KCTD8: variants seen among roughly 807,000 people sequenced by gnomAD.
KCTD8 encodes the protein potassium channel tetramerization domain containing 8, also known as BTB/POZ domain-containing protein KCTD8.
Under a neutral mutation model 31.5 loss-of-function variants are expected in KCTD8, and 27 were observed. The observed-to-expected ratio is 0.86, with a 90% CI of 0.63 to 1.18. The LOEUF (loss-of-function observed/expected upper bound fraction) is 1.18. Ranked by LOEUF, KCTD8 falls within the 50% of genes most tolerant of loss-of-function variation. KCTD8 has a pLI of 0.00. For synonymous variants in KCTD8, 290 were observed against 280.0 expected, an observed-to-expected ratio of 1.04 and a Z score of -0.36; for missense variants, 658 against 647.7, an observed-to-expected ratio of 1.02 and a Z score of -0.17.
intron 1 of KCTD8, among the ~76,000 whole-genome samples, chr4:44,396,575 A>C (rs867218454): frequency 6.6e-6 from 1 of 152,126 alleles, no homozygotes; most frequent in African/African-American, 2.4e-5. Context: ...TCTCATTAAC[A>C]TAAAAATTCT....
intron 1 of KCTD8, among the ~76,000 whole-genome samples, chr4:44,383,864 A>T (rs1252504812): frequency 1.3e-5 from 2 of 152,072 alleles, no homozygotes; most frequent in Non-Finnish European, 2.9e-5. Flanking sequence ...CAAAGGAAAC[A>T]ACCAACAGAG....
chr4:44,439,003 A>G (rs1310355262), intron 1 of KCTD8, among the ~76,000 whole-genome samples: 1 of 152,150 alleles, frequency 6.6e-6, no homozygotes, highest in East Asian at 1.9e-4. Flanking sequence ...TACAGCCAGA[A>G]TTTTTCAAGG....
chr4:44,225,213 A>G (rs531476417), intron 1 of KCTD8, among the ~76,000 whole-genome samples: 15 of 152,304 alleles, frequency 9.8e-5, no homozygotes, highest in African/African-American at 3.4e-4. Context: ...AAGTTCTAAC[A>G]AAGTCTATGT....
At chr4:44,189,910 C>T (rs1713711715) in intron 1 of KCTD8, among the ~76,000 whole-genome samples, 1 of 152,128 alleles carries the variant, frequency 6.6e-6, no homozygotes, top group Admixed American at 6.5e-5. Flanking sequence ...ATCTCAGAGT[C>T]ATTTTCGCTA....
At chr4:44,218,576 A>C (rs1010882407) in intron 1 of KCTD8, among the ~76,000 whole-genome samples, 2 of 148,356 alleles carry the variant, frequency 1.3e-5, no homozygotes, top group East Asian at 2.0e-4. Context: ...ATATATATCT[A>C]TATATATAAA....
chr4:44,427,459 G>T (rs1437000389), intron 1 of KCTD8, among the ~76,000 whole-genome samples: 3 of 151,280 alleles, frequency 2.0e-5, no homozygotes. Context: ...TAACACAATG[G>T]TCTAAAATAG....
At chr4:44,324,053 A>ACAAAAC (rs200099790) in intron 1 of KCTD8, among the ~76,000 whole-genome samples, 2 of 144,940 alleles carry the variant, frequency 1.4e-5, no homozygotes, top group South Asian at 2.1e-4. Context: ...TTAAAAAAAA[A>ACAAAAC]AAAACAAAAC....
chr4:44,418,484 T>C (rs1308449951), intron 1 of KCTD8, among the ~76,000 whole-genome samples: 1 of 152,208 alleles, frequency 6.6e-6, no homozygotes, highest in African/African-American at 2.4e-5. Context: ...TTGTTTTGTA[T>C]GCCTATACTT....
At position 44,434,052 on chromosome 4, in the gene KCTD8, G is replaced by T. The variant is rs189384747; in HGVS notation, c.961+13511C>A. On this transcript the variant is annotated intron_variant, in intron 1 of 1. Transcript: ENST00000360029. ...CATATTTCCTTTGCCTACATTTCCA[G>T]ATTTTTCTTCCAACACTTCCCCTGA... 2.9e-3 allele frequency among the ~76,000 whole-genome samples: 437 copies of T among 151,880 alleles called. 6 individuals are homozygous for T. Among genetic ancestry groups the T allele is most frequent in the African/African-American group, 9.9e-3 (412 of 41,480 alleles).
intron 1 of KCTD8, among the ~76,000 whole-genome samples, chr4:44,341,693 G>T (rs1718901715): frequency 6.6e-6 from 1 of 152,064 alleles, no homozygotes; most frequent in African/African-American, 2.4e-5. Context: ...TAGTTCTCTT[G>T]CTATTTCCAC....
intron 1 of KCTD8, among the ~76,000 whole-genome samples, chr4:44,393,295 T>C (rs1005869774): frequency 2.6e-5 from 4 of 152,024 alleles, no homozygotes; most frequent in Admixed American, 6.6e-5. Flanking sequence ...TTATTCTGTT[T>C]TCCTAAAGTT....
chr4:44,264,916 G>T (rs1716296110), intron 1 of KCTD8, among the ~76,000 whole-genome samples: 1 of 152,224 alleles, frequency 6.6e-6, no homozygotes, highest in Non-Finnish European at 1.5e-5. Context: ...GCCCACCACA[G>T]CTCAAGGAGG....
intron 1 of KCTD8, among the ~76,000 whole-genome samples, chr4:44,397,283 G>T (rs1720529476): frequency 6.6e-6 from 1 of 152,060 alleles, no homozygotes; most frequent in African/African-American, 2.4e-5. Flanking sequence ...CAGTGTTATT[G>T]ATTTATAAGT....
At chr4:44,343,267 T>C (rs1718951037) in intron 1 of KCTD8, among the ~76,000 whole-genome samples, 1 of 152,176 alleles carries the variant, frequency 6.6e-6, no homozygotes, top group Non-Finnish European at 1.5e-5. Flanking sequence ...ATTACAATAT[T>C]GTTGTGTCTC....
intron 1 of KCTD8, among the ~76,000 whole-genome samples, chr4:44,233,429 T>A (rs971464760): frequency 6.6e-6 from 1 of 152,196 alleles, no homozygotes; most frequent in East Asian, 1.9e-4. Flanking sequence ...TTCATCTCAA[T>A]GATGCATGGT....
rs1721978612 is a variant in KCTD8, at chr4:44,447,699, G to T, written c.825C>A (p.Tyr275Ter). ...YTSRFYLKFT[Y>*]LEQAFDRLSE... ...ACAGGCGATCAAAGGCCTGCTCCAA[G>T]TAGGTGAACTTGAGGTAGAAGCGGG... is the stretch of plus-strand genomic sequence containing the variant. The change falls in exon 1 of 2, where the codon TAC becomes TAA. Residue 275 changes from tyrosine to a stop codon, truncating the protein, a stop_gained. Transcript: ENST00000360029. LOFTEE classifies it high-confidence loss of function. The T allele has an allele frequency of 6.2e-7, 1 of 1,612,480 alleles. No individual in the cohort carries two copies. Among genetic ancestry groups the T allele is most frequent in the South Asian group, 1.1e-5 (1 of 90,752 alleles).
At chr4:44,375,483 T>C (rs572142555) in intron 1 of KCTD8, among the ~76,000 whole-genome samples, 5 of 152,066 alleles carry the variant, frequency 3.3e-5, no homozygotes, top group South Asian at 4.2e-4. Context: ...GAGATTGCTG[T>C]GAGATGTCTC....
chr4:44,408,785 AT>A (rs1212605854), intron 1 of KCTD8, among the ~76,000 whole-genome samples: 2 of 151,912 alleles, frequency 1.3e-5, no homozygotes, highest in Non-Finnish European at 2.9e-5. Context: ...CGCCCAGCTA[AT>A]TTTTTATATT....
intron 1 of KCTD8, among the ~76,000 whole-genome samples, chr4:44,348,702 C>A (rs1018189776): frequency 6.6e-6 from 1 of 152,116 alleles, no homozygotes; most frequent in African/African-American, 2.4e-5. Context: ...AGATTAGTGA[C>A]CCTTTTCAGT....
Sources: allele counts gnomAD v4.1 joint callset (sites outside exome capture counted in the v4.1 genomes callset), GRCh38; gene constraint gnomAD v4.1.1; transcripts MANE v1.5; gene names NCBI Gene and HGNC (gene_info 2026-07-23, HGNC 2026-07-21).